The following ASCC3 variants were observed in gnomAD, a reference collection of about 807,000 sequenced individuals.
ASCC3 encodes the protein ASC-1 complex subunit P200.
In ASCC3, 158 loss-of-function variants were observed where a neutral mutation model predicts 256.3. The ratio of observed to expected loss-of-function variants is 0.62; its 90% CI spans 0.54 to 0.70. The LOEUF (loss-of-function observed/expected upper bound fraction) is 0.70, where lower values mean the gene tolerates loss of function less well. ASCC3 is among the 30% of genes least tolerant of loss of function. ASCC3 has a pLI of 0.00. For missense variants in ASCC3, 2,259 were observed against 2,626.0 expected (o/e 0.86, Z 3.05); for synonymous variants, 948 against 883.4 (o/e 1.07, Z -1.30).
chr6:100,866,535 C>G (rs1773487865), intron 2 of ASCC3, among the ~76,000 whole-genome samples: 1 of 152,182 alleles, frequency 6.6e-6, no homozygotes, highest in Non-Finnish European at 1.5e-5. Context: ...ATTCCCTAAC[C>G]TTCAGTACCT....
intron 8 of ASCC3, among the ~76,000 whole-genome samples, chr6:100,792,555 G>A (rs1287255625): frequency 1.3e-5 from 2 of 151,818 alleles, no homozygotes; most frequent in Non-Finnish European, 2.9e-5. Flanking sequence ...AATCATCATG[G>A]TCAATTAATT....
At chr6:100,664,240 C>T (rs1039009348) in intron 14 of ASCC3, among the ~76,000 whole-genome samples, 6 of 152,060 alleles carry the variant, frequency 3.9e-5, no homozygotes, top group Non-Finnish European at 5.9e-5. Context: ...TTTTTCCCTA[C>T]ACTTTTTACT....
intron 13 of ASCC3, among the ~76,000 whole-genome samples, chr6:100,701,747 AG>A (rs1407497445): frequency 6.6e-6 from 1 of 152,176 alleles, no homozygotes; most frequent in Admixed American, 6.5e-5. Flanking sequence ...TATAATAAGA[AG>A]GTGACAGTCA....
intron 36 of ASCC3, among the ~76,000 whole-genome samples, chr6:100,572,217 T>C (rs1212788288): frequency 6.6e-6 from 1 of 152,102 alleles, no homozygotes. Context: ...CTCTCATGAA[T>C]GGGATTAGTG....
At position 100,766,554 on chromosome 6, in the gene ASCC3, A is replaced by C; in HGVS notation, c.1737+11T>G. The C allele has an allele frequency of 6.2e-7, 1 of 1,613,940 alleles. No individual in the cohort carries two copies. The highest frequency in any genetic ancestry group is 1.1e-5 in the South Asian group (1 of 91,074). On this transcript the variant is annotated intron_variant, in intron 10 of 41. Coordinates refer to ENST00000369162, the MANE Select transcript of ASCC3 (RefSeq NM_006828.4). ...ATGGTATTAAACAAAAAATCTAGGT[A>C]AACAACATACCTGAGTTCGTAAAAT... is the stretch of plus-strand genomic sequence containing the variant.
chr6:100,846,478 A>G (rs1772388990), intron 4 of ASCC3, among the ~76,000 whole-genome samples: 1 of 152,192 alleles, frequency 6.6e-6, no homozygotes, highest in Admixed American at 6.5e-5. Context: ...TAAACTATCC[A>G]TTAACCCTGG....
chr6:100,566,067 A>G (rs988719875), intron 36 of ASCC3, among the ~76,000 whole-genome samples: 2 of 152,192 alleles, frequency 1.3e-5, no homozygotes, highest in African/African-American at 2.4e-5. Flanking sequence ...TCTGAATGCA[A>G]AAGAAAAGCC....
intron 8 of ASCC3, among the ~76,000 whole-genome samples, chr6:100,793,998 T>A (rs940192691): frequency 1.3e-5 from 2 of 152,034 alleles, no homozygotes; most frequent in African/African-American, 4.8e-5. Context: ...CTCTGCCTCA[T>A]CCCCTCCTAT....
chr6:100,521,728 TG>T (rs1774320336), intron 37 of ASCC3, among the ~76,000 whole-genome samples: 2 of 152,172 alleles, frequency 1.3e-5, no homozygotes, highest in South Asian at 2.1e-4. Flanking sequence ...TCAGTTTGAG[TG>T]GGCAAGCCCA....
At chr6:100,772,996 C>T (rs531944489) in intron 8 of ASCC3, among the ~76,000 whole-genome samples, 1 of 152,188 alleles carries the variant, frequency 6.6e-6, no homozygotes, top group East Asian at 1.9e-4. Context: ...TTACTATGGG[C>T]TAAGCACAGG....
At chr6:100,876,587 A>C (rs1774014263) in intron 1 of ASCC3, among the ~76,000 whole-genome samples, 1 of 152,220 alleles carries the variant, frequency 6.6e-6, no homozygotes, top group South Asian at 2.1e-4. Flanking sequence ...ATGAATCATA[A>C]CATTCATAGT....
At chr6:100,619,244 C>T (rs1417556953) in intron 30 of ASCC3, among the ~76,000 whole-genome samples, 3 of 152,128 alleles carry the variant, frequency 2.0e-5, no homozygotes, top group Non-Finnish European at 4.4e-5. Flanking sequence ...TTTGCTAGTT[C>T]GGAGGCTTAT....
chr6:100,654,222 T>C (rs963691109), intron 17 of ASCC3, among the ~76,000 whole-genome samples: 38 of 151,580 alleles, frequency 2.5e-4, no homozygotes, highest in African/African-American at 9.2e-4. Context: ...AAAAATATGC[T>C]AAACTGTTTT....
At chr6:100,790,954 C>T (rs1028199253) in intron 8 of ASCC3, among the ~76,000 whole-genome samples, 1 of 151,758 alleles carries the variant, frequency 6.6e-6, no homozygotes, top group Admixed American at 6.6e-5. Context: ...AAAATGAATT[C>T]TTATTTAGAA....
At chr6:100,740,870 T>C (rs1375490582) in intron 10 of ASCC3, among the ~76,000 whole-genome samples, 1 of 152,228 alleles carries the variant, frequency 6.6e-6, no homozygotes. Flanking sequence ...TTCAGTGTCT[T>C]TTAATTGGGG....
At chr6:100,691,413 G>A (rs1047967787) in intron 13 of ASCC3, among the ~76,000 whole-genome samples, 1 of 151,594 alleles carries the variant, frequency 6.6e-6, no homozygotes, top group Non-Finnish European at 1.5e-5. Context: ...TTTTTTGGAG[G>A]TAAAATAATT....
chr6:100,519,066 A>G (rs1046234880), intron 37 of ASCC3, among the ~76,000 whole-genome samples: 5 of 152,136 alleles, frequency 3.3e-5, no homozygotes, highest in African/African-American at 1.2e-4. Flanking sequence ...GACTTTTAGA[A>G]ATAATTTTTA....
chr6:100,579,662 G>A (rs745896449), intron 36 of ASCC3, among the ~76,000 whole-genome samples: 2 of 151,980 alleles, frequency 1.3e-5, no homozygotes, highest in East Asian at 3.9e-4. Flanking sequence ...TCACTTCTGG[G>A]CTCTCTATTC....
At position 100,718,059 on chromosome 6, in the gene ASCC3, T is replaced by TA. The variant is rs1461364720; in HGVS notation, c.2079+15dup. ...AACAAAAATATTTTTAGATAAGAAT[T>TA]AAAATGAGTATTTACCTTATTTGCA... On this transcript the variant is annotated intron_variant, in intron 12 of 41. Coordinates refer to ENST00000369162, the MANE Select transcript of ASCC3 (RefSeq NM_006828.4). 1.2e-6 allele frequency: 2 copies of TA among 1,609,028 alleles called. No individual in the cohort carries two copies. Among genetic ancestry groups the TA allele is most frequent in the Admixed American group, 1.7e-5 (1 of 59,800 alleles).
Sources: allele counts gnomAD v4.1 joint callset (sites outside exome capture counted in the v4.1 genomes callset), GRCh38; gene constraint gnomAD v4.1.1; transcripts MANE v1.5; gene names NCBI Gene and HGNC (gene_info 2026-07-23, HGNC 2026-07-21).